The following ZC2HC1B variants were observed in gnomAD, a reference collection of about 807,000 sequenced individuals.
The protein encoded by ZC2HC1B is zinc finger C2HC-type containing 1B.
Under a neutral mutation model 31.0 loss-of-function variants are expected in ZC2HC1B, and 36 were observed. That is an observed-to-expected ratio of 1.16 (90% CI 0.89 to 1.54). ZC2HC1B has a LOEUF of 1.54. Ranked by LOEUF, ZC2HC1B falls within the 40% of genes most tolerant of loss-of-function variation. The probability of loss-of-function intolerance (pLI) is 0.00; values close to 1 mark genes in which losing one functional copy is unlikely to be tolerated. For synonymous variants in ZC2HC1B, 73 were observed against 88.0 expected (o/e 0.83, Z 0.95); for missense variants, 260 against 268.6 (o/e 0.97, Z 0.22).
intron 5 of ZC2HC1B, among the ~76,000 whole-genome samples, chr6:143,900,398 A>G (rs995471905): frequency 1.3e-5 from 2 of 151,870 alleles, no homozygotes; most frequent in African/African-American, 4.8e-5. Flanking sequence ...CTCAAAAAAA[A>G]AAAAAAAGAA....
intron 6 of ZC2HC1B, among the ~76,000 whole-genome samples, chr6:143,935,326 A>G (rs567754014): frequency 7.5e-4 from 114 of 152,176 alleles, no homozygotes; most frequent in African/African-American, 2.6e-3. Context: ...ATGACACCAC[A>G]TGGGTCAAGC....
intron 6 of ZC2HC1B, among the ~76,000 whole-genome samples, chr6:143,914,535 T>C (rs1777895612): frequency 6.6e-6 from 1 of 152,178 alleles, no homozygotes; most frequent in Non-Finnish European, 1.5e-5. Context: ...GAGAAACATA[T>C]ATTGCTGTTT....
chr6:143,892,641 A>G (rs1777614779), intron 4 of ZC2HC1B, among the ~76,000 whole-genome samples: 1 of 152,190 alleles, frequency 6.6e-6, no homozygotes, highest in Non-Finnish European at 1.5e-5. Flanking sequence ...CTAATAGAGC[A>G]AGAACTTACT....
At position 143,922,464 on chromosome 6, in the gene ZC2HC1B, A is replaced by C. The variant is rs1416752612; in HGVS notation, c.599-15185A>C. ...TTCGTACCTACTAACCAACCTCTCC[A>C]CCAGCACCCTGCCACACACATACCC... is the stretch of plus-strand genomic sequence containing the variant. On this transcript the variant is annotated intron_variant, in intron 6 of 7. Coordinates refer to ENST00000237275, the MANE Select transcript of ZC2HC1B (RefSeq NM_001013623.3). The surrounding 1 kb of genome is among the most constrained non-coding windows in gnomAD (Gnocchi z 5.0). Among the ~76,000 whole-genome samples the C allele has an allele frequency of 6.6e-6, 1 of 152,132 alleles. No individual in the cohort carries two copies. Among genetic ancestry groups the C allele is most frequent in the Non-Finnish European group, 1.5e-5 (1 of 68,012 alleles).
chr6:143,937,463 C>T (rs1778191858), intron 6 of ZC2HC1B, among the ~76,000 whole-genome samples, 186 bp from the exon 7 acceptor site: 1 of 151,938 alleles, frequency 6.6e-6, no homozygotes, highest in East Asian at 1.9e-4. Context: ...CCCTGTTTTC[C>T]TTATTTGGTT....
rs552778165 is a variant in ZC2HC1B, at chr6:143,937,538, A to T, written c.599-111A>T. On this transcript the variant is annotated intron_variant, in intron 6 of 7. Coordinates refer to ENST00000237275, the MANE Select transcript of ZC2HC1B (RefSeq NM_001013623.3). ...CACACTCCCCCACCTCCCACCAAAA[A>T]AAAGGAAGAATAGAAACTTTTGAAC... is the stretch of plus-strand genomic sequence containing the variant. 2.0e-5 allele frequency: 19 copies of T among 963,950 alleles called. No homozygotes were observed. The East Asian group carries it at 5.5e-4, about 28-fold the overall frequency. The allele number at this position is 963,950 out of a possible 1,614,324, so 59.7% of individuals were successfully genotyped here.
chr6:143,937,492 C>A (rs1582982770), intron 6 of ZC2HC1B, among the ~76,000 whole-genome samples, 157 bp from the exon 7 acceptor site: 1 of 150,908 alleles, frequency 6.6e-6, no homozygotes, highest in East Asian at 2.0e-4. Flanking sequence ...GTAGCTACCC[C>A]ACCCTCATTG....
intron 5 of ZC2HC1B, 71 bp downstream of exon 5, chr6:143,898,762 A>G: frequency 9.2e-6 from 14 of 1,518,292 alleles, no homozygotes; most frequent in Middle Eastern, 1.7e-4. Context: ...AGAACTCCCT[A>G]GAGAACCTCA....
rs71024879 is a variant in ZC2HC1B at position 143,925,165 on chromosome 6, C to CTTTT, written c.599-12459_599-12456dup. On this transcript the variant is annotated intron_variant, in intron 6 of 7. Coordinates refer to ENST00000237275, the MANE Select transcript of ZC2HC1B (RefSeq NM_001013623.3). ...TTTTATTACTGATTCAATCTCATTC[C>CTTTT]TTTTTTTTTTTTTTTTTTTTTTTTT... Among the ~76,000 whole-genome samples the CTTTT allele has an allele frequency of 1.8e-4, 19 of 104,176 alleles. 1 individual carries two copies. Among genetic ancestry groups the CTTTT allele is most frequent in the South Asian group, 6.2e-4 (2 of 3,232 alleles). 68.3% of individuals were successfully genotyped at this position (104,176 alleles called of 152,430 possible).
chr6:143,902,935 A>T, intron 5 of ZC2HC1B, 109 bp from the exon 6 acceptor site: 1 of 973,768 alleles, frequency 1.0e-6, no homozygotes, highest in Non-Finnish European at 1.6e-6. Flanking sequence ...GTCCCTGCAG[A>T]TGATACCATT....
At chr6:143,926,851 T>G (rs1370958296) in intron 6 of ZC2HC1B, among the ~76,000 whole-genome samples, 1 of 145,258 alleles carries the variant, frequency 6.9e-6, no homozygotes, top group African/African-American at 2.5e-5. Flanking sequence ...TTTTTTTTTT[T>G]TTTGAGACGG....
rs1777352016 is a variant in ZC2HC1B at position 143,872,473 on chromosome 6, T to C, written c.28+7906T>C. ...GTAGCTACATCCACCTTGCCTTTGA[T>C]GGCTGAGTGCTGCCACTTGGCCCCT... On this transcript the variant is annotated intron_variant, in intron 1 of 7. Transcript: ENST00000237275. This position sits in a 1 kb window ranked among gnomAD's most constrained non-coding sequence, Gnocchi z 5.5. Among the ~76,000 whole-genome samples the C allele has an allele frequency of 1.3e-5, 2 of 152,366 alleles. No individual in the cohort carries two copies. Among genetic ancestry groups the C allele is most frequent in the African/African-American group, 4.8e-5 (2 of 41,588 alleles).
Position 143,908,213 on chromosome 6 carries a change from G to T in ZC2HC1B, c.598+5061G>T, listed in dbSNP as rs187857283. Among the ~76,000 whole-genome samples, 64 of 152,238 alleles carry T rather than the reference G, an allele frequency of 4.2e-4. No individual in the cohort carries two copies. Among genetic ancestry groups the T allele is most frequent in the African/African-American group, 1.5e-3 (64 of 41,550 alleles). On this transcript the variant is annotated intron_variant, in intron 6 of 7. Coordinates refer to ENST00000237275, the MANE Select transcript of ZC2HC1B (RefSeq NM_001013623.3). This position sits in a 1 kb window ranked among gnomAD's most constrained non-coding sequence, Gnocchi z 4.4. ...GTAGTTTGAAGTTGGGTAGCGTGAT[G>T]GCTCCAGCTTTGTTCTTTTTGCTTA...
intron 6 of ZC2HC1B, among the ~76,000 whole-genome samples, chr6:143,925,578 C>G (rs139548876): frequency 8.4e-4 from 125 of 149,308 alleles, no homozygotes; most frequent in African/African-American, 3.0e-3. Flanking sequence ...CTCTTGTTGC[C>G]CAGGCTGAAG....
rs1325775741 is a variant in ZC2HC1B at position 143,872,170 on chromosome 6, T to C, written c.28+7603T>C. 1.3e-5 allele frequency among the ~76,000 whole-genome samples: 2 copies of C among 152,172 alleles called. No homozygotes were observed. Among genetic ancestry groups the C allele is most frequent in the Non-Finnish European group, 1.5e-5 (1 of 68,026 alleles). ...ATTGTCAGTAGTGTAATGGAGTCCTTTTTCAAGGGGACCCGGCCTCCCCTT... is the reference window on the plus strand; with the variant it reads ...ATTGTCAGTAGTGTAATGGAGTCCTCTTTCAAGGGGACCCGGCCTCCCCTT... On this transcript the variant is annotated intron_variant, in intron 1 of 7. Transcript: ENST00000237275. The surrounding 1 kb of genome is among the most constrained non-coding windows in gnomAD (Gnocchi z 5.5).
chr6:143,909,791 C>T (rs1777837984), intron 6 of ZC2HC1B, among the ~76,000 whole-genome samples: 2 of 151,990 alleles, frequency 1.3e-5, no homozygotes, highest in Admixed American at 6.5e-5. Flanking sequence ...TTATATAAAT[C>T]TTCTCTCTTT....
At position 143,918,676 on chromosome 6, in the gene ZC2HC1B, A is replaced by G. The variant is rs1480761759; in HGVS notation, c.598+15524A>G. ...TCTCTCTGCTCCTTCAGGTATTCCC[A>G]CAATGCATATGTTGGTCAGTTTGAC... On this transcript the variant is annotated intron_variant, in intron 6 of 7. Transcript: ENST00000237275. The surrounding 1 kb of genome is among the most constrained non-coding windows in gnomAD (Gnocchi z 4.1). Among the ~76,000 whole-genome samples, 1 of 152,066 alleles carries G rather than the reference A, an allele frequency of 6.6e-6. No homozygotes were observed. The highest frequency in any genetic ancestry group is 1.5e-5 in the Non-Finnish European group (1 of 68,022).
Position 143,869,887 on chromosome 6 carries a change from C to G in ZC2HC1B, c.28+5320C>G, listed in dbSNP as rs989118835. Among the ~76,000 whole-genome samples, 1 of 152,198 alleles carries G rather than the reference C, an allele frequency of 6.6e-6. No homozygotes were observed. The highest frequency in any genetic ancestry group is 1.5e-5 in the Non-Finnish European group (1 of 68,032). ...TGTTCATGGGCCCATTGGGCGACAACAGGGGTGGCTGGGGAAAGAGGCTGA... is the reference window on the plus strand; with the variant it reads ...TGTTCATGGGCCCATTGGGCGACAAGAGGGGTGGCTGGGGAAAGAGGCTGA... On this transcript the variant is annotated intron_variant, in intron 1 of 7. Coordinates refer to ENST00000237275, the MANE Select transcript of ZC2HC1B (RefSeq NM_001013623.3). The surrounding 1 kb of genome is among the most constrained non-coding windows in gnomAD (Gnocchi z 5.2).
At chr6:143,894,975 TC>T (rs1488651248) in intron 4 of ZC2HC1B, among the ~76,000 whole-genome samples, 1 of 152,220 alleles carries the variant, frequency 6.6e-6, no homozygotes, top group African/African-American at 2.4e-5. Context: ...TCTTTGTATT[TC>T]TATGCTAACA....
Sources: allele counts gnomAD v4.1 joint callset (sites outside exome capture counted in the v4.1 genomes callset), GRCh38; gene constraint gnomAD v4.1.1; non-coding constraint Gnocchi (gnomAD v3.1); transcripts MANE v1.5; gene names NCBI Gene and HGNC (gene_info 2026-07-23, HGNC 2026-07-21).